GPC5: variants seen among roughly 807,000 people sequenced by gnomAD.
GPC5 encodes glypican-5.
Under a neutral mutation model 53.9 loss-of-function variants are expected in GPC5, and 47 were observed. The ratio of observed to expected loss-of-function variants is 0.87; its 90% CI spans 0.69 to 1.11. The LOEUF is 1.11. GPC5 is among the 50% of genes most tolerant of loss of function. The probability of loss-of-function intolerance (pLI) is 0.00; values close to 1 mark genes in which losing one functional copy is unlikely to be tolerated. For missense variants in GPC5, 748 were observed against 713.1 expected (o/e 1.05, Z -0.56); for synonymous variants, 286 against 263.3 (o/e 1.09, Z -0.84).
intron 7 of GPC5, among the ~76,000 whole-genome samples, chr13:92,857,771 T>C (rs1304570523): frequency 6.6e-6 from 1 of 152,256 alleles, no homozygotes. Context: ...CACAATGAGA[T>C]AGCATCTCAC....
chr13:91,441,233 A>G (rs1484997720), intron 1 of GPC5, among the ~76,000 whole-genome samples: 1 of 152,208 alleles, frequency 6.6e-6, no homozygotes, highest in Non-Finnish European at 1.5e-5. Context: ...CCATACTGCA[A>G]GTCAGACCCT....
chr13:91,756,258 G>T lies in GPC5; in HGVS notation c.1155-37G>T, dbSNP rs938794027. The T allele has an allele frequency of 2.8e-6, 4 of 1,441,720 alleles. 1 individual carries two copies. In the South Asian group the frequency reaches 4.9e-5, roughly 18 times the overall value. The allele number at this position is 1,441,720 out of a possible 1,614,324, so 89.3% of individuals were successfully genotyped here. On this transcript the variant is annotated intron_variant, in intron 4 of 7. Transcript: ENST00000377067. ...ATTTTTGATGGCCTTTATTGTGGATGTTTGGTTTTAATTGTTTTCTTTCTT... is the reference window on the plus strand; with the variant it reads ...ATTTTTGATGGCCTTTATTGTGGATTTTTGGTTTTAATTGTTTTCTTTCTT...
intron 4 of GPC5, among the ~76,000 whole-genome samples, chr13:91,751,167 C>T (rs768308647): frequency 3.3e-5 from 5 of 152,142 alleles, no homozygotes; most frequent in Non-Finnish European, 7.4e-5. Flanking sequence ...AGTAGGATCT[C>T]CCCCCAAATT....
At chr13:91,715,352 C>T (rs993770380) in intron 3 of GPC5, among the ~76,000 whole-genome samples, 3 of 152,044 alleles carry the variant, frequency 2.0e-5, no homozygotes, top group East Asian at 1.9e-4. Flanking sequence ...GATATCTACA[C>T]GTACACATAG....
intron 2 of GPC5, among the ~76,000 whole-genome samples, chr13:91,686,448 A>C (rs924020844): frequency 1.3e-5 from 2 of 152,130 alleles, no homozygotes; most frequent in South Asian, 2.1e-4. Context: ...ACATTTGAAA[A>C]TGTCATTAAA....
intron 7 of GPC5, among the ~76,000 whole-genome samples, chr13:92,695,979 G>A (rs1594427009): frequency 6.6e-6 from 1 of 152,080 alleles, no homozygotes. Flanking sequence ...TTAGTTTGCT[G>A]AGAATGACAG....
intron 7 of GPC5, among the ~76,000 whole-genome samples, chr13:92,516,405 C>T (rs990496728): frequency 2.1e-4 from 32 of 152,102 alleles, no homozygotes; most frequent in Admixed American, 3.3e-4. Context: ...TGTAGACCCA[C>T]TAATGCACTT....
intron 7 of GPC5, among the ~76,000 whole-genome samples, chr13:92,764,298 C>G (rs1875310112): frequency 6.6e-6 from 1 of 152,170 alleles, no homozygotes; most frequent in South Asian, 2.1e-4. Context: ...GGTGACAAGA[C>G]CTCAGGGATT....
chr13:92,676,813 G>C (rs1886957803), intron 7 of GPC5, among the ~76,000 whole-genome samples: 1 of 152,148 alleles, frequency 6.6e-6, no homozygotes, highest in Admixed American at 6.6e-5. Context: ...GGTCAAGTTA[G>C]AGAACAATTG....
chr13:92,174,551 CAAAA>C (rs1566470058), intron 7 of GPC5, among the ~76,000 whole-genome samples: 2 of 136,880 alleles, frequency 1.5e-5, no homozygotes, highest in South Asian at 4.8e-4. Flanking sequence ...AAAAAAAAAA[CAAAA>C]ACAACAACAA....
At chr13:92,708,855 G>A (rs1398462516) in intron 7 of GPC5, among the ~76,000 whole-genome samples, 1 of 77,972 alleles carries the variant, frequency 1.3e-5, no homozygotes, top group Non-Finnish European at 2.8e-5. Context: ...GCTGGAAACC[G>A]CCTTTTTTTT....
At chr13:91,646,859 G>T (rs1045308284) in intron 2 of GPC5, among the ~76,000 whole-genome samples, 4 of 152,044 alleles carry the variant, frequency 2.6e-5, no homozygotes, top group Non-Finnish European at 5.9e-5. Flanking sequence ...ACAGAGCATG[G>T]GTGGATGTAT....
intron 6 of GPC5, among the ~76,000 whole-genome samples, chr13:92,106,527 C>G (rs1222928887): frequency 6.6e-6 from 1 of 151,876 alleles, no homozygotes; most frequent in Non-Finnish European, 1.5e-5. Flanking sequence ...TGAATTGAAT[C>G]ATAAAAATTG....
chr13:92,704,861 A>AGTGTATATATATATACTCAATAT (rs1887892413), intron 7 of GPC5, among the ~76,000 whole-genome samples: 1 of 146,286 alleles, frequency 6.8e-6, no homozygotes, highest in Non-Finnish European at 1.5e-5. Context: ...TAAATATATG[A>AGTGTATATATATATACTCAATAT]GTGTATATAT....
At chr13:92,802,236 A>G (rs1181698006) in intron 7 of GPC5, among the ~76,000 whole-genome samples, 1 of 151,854 alleles carries the variant, frequency 6.6e-6, no homozygotes, top group Non-Finnish European at 1.5e-5. Context: ...GTCACATGCT[A>G]TGCAGTTTTG....
intron 7 of GPC5, among the ~76,000 whole-genome samples, chr13:92,279,269 C>G (rs778208529): frequency 3.9e-5 from 6 of 151,946 alleles, no homozygotes; most frequent in Non-Finnish European, 8.8e-5. Context: ...TGTATTGTTT[C>G]CGCTTTGGAT....
intron 7 of GPC5, among the ~76,000 whole-genome samples, chr13:92,231,915 G>A (rs1157041767): frequency 1.3e-5 from 2 of 152,144 alleles, no homozygotes; most frequent in Non-Finnish European, 2.9e-5. Context: ...GCAGTGAGCC[G>A]AGATCGCGCC....
intron 7 of GPC5, among the ~76,000 whole-genome samples, chr13:92,673,845 T>TA (rs1886837682): frequency 6.7e-6 from 1 of 150,274 alleles, no homozygotes; most frequent in Non-Finnish European, 1.5e-5. Flanking sequence ...CTAGTCATGT[T>TA]AAAAAACACT....
chr13:91,652,064 T>C (rs546246352), intron 2 of GPC5, among the ~76,000 whole-genome samples: 1 of 152,308 alleles, frequency 6.6e-6, no homozygotes, highest in African/African-American at 2.4e-5. Context: ...AAACACTGCT[T>C]CAAATATTGT....
Sources: gnomAD v4.1 joint callset for allele counts (sites outside exome capture counted in the v4.1 genomes callset) on GRCh38, gnomAD v4.1.1 for gene constraint, MANE v1.5 for transcripts, NCBI Gene and HGNC (gene_info 2026-07-23, HGNC 2026-07-21) for gene names.